CDK14: variants seen among roughly 807,000 people sequenced by gnomAD.
The protein encoded by CDK14 is cyclin dependent kinase 14, also known as cyclin-dependent kinase 14.
Under a neutral mutation model 60.7 loss-of-function variants are expected in CDK14, and 34 were observed. That is an observed-to-expected ratio of 0.56 (90% CI 0.43 to 0.75). The LOEUF (loss-of-function observed/expected upper bound fraction) is 0.75, where lower values mean the gene tolerates loss of function less well. Among genes scored for constraint, CDK14 ranks in the 30% least tolerant of loss-of-function variants. CDK14 has a pLI of 0.00. For missense variants in CDK14, 482 were observed against 564.1 expected, an observed-to-expected ratio of 0.85 and a Z score of 1.47; for synonymous variants, 197 against 203.7, an observed-to-expected ratio of 0.97 and a Z score of 0.28.
At chr7:91,097,464 A>C (rs531807417) in intron 12 of CDK14, among the ~76,000 whole-genome samples, 3 of 152,280 alleles carry the variant, frequency 2.0e-5, no homozygotes, top group East Asian at 3.9e-4. Context: ...GGACCTCTAT[A>C]CATGGAGTTA....
intron 14 of CDK14, among the ~76,000 whole-genome samples, chr7:91,173,310 G>A (rs767125): frequency 6.6e-6 from 1 of 152,068 alleles, no homozygotes; most frequent in African/African-American, 2.4e-5. Context: ...TTAAAGTCCA[G>A]TTTTGGGGTG....
At chr7:91,084,855 G>C (rs1039461506) in intron 12 of CDK14, among the ~76,000 whole-genome samples, 1 of 152,154 alleles carries the variant, frequency 6.6e-6, no homozygotes, top group African/African-American at 2.4e-5. Context: ...TTACGATGCG[G>C]CTAATACCTT....
chr7:90,771,710 G>A (rs1269109817), intron 4 of CDK14, among the ~76,000 whole-genome samples: 1 of 152,180 alleles, frequency 6.6e-6, no homozygotes, highest in Non-Finnish European at 1.5e-5. Flanking sequence ...GACCAATCAG[G>A]AGCTGAAGTG....
intron 2 of CDK14, among the ~76,000 whole-genome samples, chr7:90,673,411 T>TTCCC (rs948609966): frequency 7.9e-5 from 12 of 151,810 alleles, no homozygotes; most frequent in Admixed American, 2.6e-4. Flanking sequence ...GGAACCTGCA[T>TTCCC]TCCCTCCCTC....
intron 8 of CDK14, among the ~76,000 whole-genome samples, chr7:90,943,521 G>C (rs1311819664): frequency 6.6e-6 from 1 of 152,080 alleles, no homozygotes; most frequent in East Asian, 1.9e-4. Flanking sequence ...GATTAGTCAG[G>C]AAAGTGGCTC....
At chr7:90,885,284 A>G (rs1390857322) in intron 6 of CDK14, among the ~76,000 whole-genome samples, 2 of 152,330 alleles carry the variant, frequency 1.3e-5, no homozygotes, top group Non-Finnish European at 1.5e-5. Context: ...GGATATGAAC[A>G]CTTCTCAAAG....
At chr7:91,078,532 G>A (rs975233354) in intron 11 of CDK14, among the ~76,000 whole-genome samples, 9 of 152,250 alleles carry the variant, frequency 5.9e-5, no homozygotes, top group Non-Finnish European at 1.0e-4. Context: ...GCTTGAATCC[G>A]GGAGGCGGAG....
intron 8 of CDK14, among the ~76,000 whole-genome samples, chr7:90,922,227 C>A (rs1394349793): frequency 6.6e-6 from 1 of 152,142 alleles, no homozygotes; most frequent in East Asian, 1.9e-4. Flanking sequence ...TTTACTGTAT[C>A]TTTCTTTTAG....
intron 5 of CDK14, among the ~76,000 whole-genome samples, chr7:90,862,237 A>G (rs1190169255): frequency 6.6e-6 from 1 of 152,190 alleles, no homozygotes; most frequent in Non-Finnish European, 1.5e-5. Flanking sequence ...CAAAATGAAA[A>G]GTCAGAGATT....
At chr7:90,975,394 A>G (rs1054363144) in intron 9 of CDK14, among the ~76,000 whole-genome samples, 18 of 151,748 alleles carry the variant, frequency 1.2e-4, no homozygotes, top group Non-Finnish European at 1.9e-4. Context: ...GTACATAGTG[A>G]TGTTTTGATA....
At chr7:90,669,197 T>C (rs1479486028) in intron 2 of CDK14, among the ~76,000 whole-genome samples, 1 of 152,166 alleles carries the variant, frequency 6.6e-6, no homozygotes, top group Non-Finnish European at 1.5e-5. Context: ...AGTAGTGCAA[T>C]CAGAGTCTAT....
At chr7:91,158,298 G>A (rs1450472301) in intron 14 of CDK14, among the ~76,000 whole-genome samples, 1 of 151,556 alleles carries the variant, frequency 6.6e-6, no homozygotes, top group Non-Finnish European at 1.5e-5. Context: ...CTGCAGTCTC[G>A]ACCTCCCGCG....
intron 11 of CDK14, among the ~76,000 whole-genome samples, chr7:91,054,088 A>ATTTTTTTTTTTTT (rs10675646): frequency 1.3e-4 from 15 of 112,942 alleles, no homozygotes; most frequent in African/African-American, 4.0e-4. Flanking sequence ...CTGCAAAATA[A>ATTTTTTTTTTTTT]TTTTTTTTTT....
rs185978097 is a variant in CDK14, at chr7:90,747,897, C to T, written c.464+122C>T. ...AATAGATTTTCCTCCCTCACGGTAT[C>T]CTTTTTTTTTTTTTTTTTTGGCAAG... On this transcript the variant is annotated intron_variant, in intron 4 of 14. Transcript: ENST00000380050. The T allele has an allele frequency of 1.7e-3, 493 of 284,578 alleles. 5 individuals carry two copies. Among genetic ancestry groups the T allele is most frequent in the African/African-American group, 0.012 (462 of 37,110 alleles). The allele number at this position is 284,578 out of a possible 1,614,324, so 17.6% of individuals were successfully genotyped here.
At chr7:90,720,172 AAG>A (rs1349775179) in intron 2 of CDK14, among the ~76,000 whole-genome samples, 8 of 152,228 alleles carry the variant, frequency 5.3e-5, no homozygotes, top group African/African-American at 1.9e-4. Context: ...GTATCACAAA[AAG>A]AATAATTACA....
chr7:90,726,918 A>G, intron 3 of CDK14, 106 bp downstream of exon 3: 1 of 1,318,238 alleles, frequency 7.6e-7, no homozygotes, highest in South Asian at 1.4e-5. Flanking sequence ...GTGCCTTATT[A>G]TGCATTCTCT....
intron 4 of CDK14, among the ~76,000 whole-genome samples, chr7:90,750,101 A>T (rs889959446): frequency 2.0e-5 from 3 of 151,142 alleles, no homozygotes; most frequent in African/African-American, 2.4e-5. Flanking sequence ...CCTACCCAGC[A>T]TTCTCTGCAG....
chr7:90,710,361 C>T (rs1802016251), intron 2 of CDK14: 1 of 985,194 alleles, frequency 1.0e-6, no homozygotes, highest in Non-Finnish European at 1.2e-6. Flanking sequence ...TGAATGCCCT[C>T]TGAGTCAAGC....
intron 9 of CDK14, among the ~76,000 whole-genome samples, chr7:90,977,585 T>TA (rs1048725864): frequency 2.0e-5 from 3 of 152,124 alleles, no homozygotes; most frequent in Admixed American, 1.3e-4. Context: ...TAAAAGACCA[T>TA]AAACATCAGT....
Sources: allele counts gnomAD v4.1 joint callset (sites outside exome capture counted in the v4.1 genomes callset), GRCh38; gene constraint gnomAD v4.1.1; transcripts MANE v1.5; gene names NCBI Gene and HGNC (gene_info 2026-07-23, HGNC 2026-07-21).